CCT3: variants seen among roughly 807,000 people sequenced by gnomAD.
The protein encoded by CCT3 is T-complex protein 1 subunit gamma.
In CCT3, 10 loss-of-function variants were observed where a neutral mutation model predicts 65.3. The ratio of observed to expected loss-of-function variants is 0.15; its 90% confidence interval spans 0.09 to 0.26. The LOEUF is 0.26. CCT3 is among the 10% of genes least tolerant of loss of function. The pLI is 1.00. For synonymous variants in CCT3, 225 were observed against 242.3 expected (o/e 0.93, Z 0.66); for missense variants, 626 against 708.7 (o/e 0.88, Z 1.33).
chr1:156,325,059 A>T lies in CCT3; in HGVS notation c.335T>A (p.Phe112Tyr). 1 of 1,613,312 alleles carries T rather than the reference A, an allele frequency of 6.2e-7. No individual in the cohort carries two copies. Among genetic ancestry groups the T allele is most frequent in the African/African-American group, 1.3e-5 (1 of 75,048 alleles). ...AGEMLSVAEH[F>Y]LEQQMHPTVV... ...TGTTGGGTGCATCTGCTGCTCCAGG[A>T]AGTGCTCAGCTACAGACAGCATTTC... Residue 112 changes from phenylalanine to tyrosine, a missense_variant, in exon 6 of 14, where the codon TTC becomes TAC. Physicochemically the swap from Phe to Tyr is conservative, Grantham distance 22. Transcript: ENST00000295688.
intron 13 of CCT3, among the ~76,000 whole-genome samples, chr1:156,310,330 T>A (rs1572625274): frequency 6.6e-6 from 1 of 151,756 alleles, no homozygotes; most frequent in East Asian, 2.0e-4. Flanking sequence ...CTATCTCTAC[T>A]AAAAAATACA....
chr1:156,316,306 G>A (rs906679222), intron 10 of CCT3, among the ~76,000 whole-genome samples: 3 of 152,098 alleles, frequency 2.0e-5, no homozygotes, highest in African/African-American at 7.2e-5. Context: ...TAAGGGTTAA[G>A]CATCCACAAA....
intron 6 of CCT3, among the ~76,000 whole-genome samples, chr1:156,322,974 G>A (rs1416900251): frequency 6.6e-6 from 1 of 151,758 alleles, no homozygotes; most frequent in Non-Finnish European, 1.5e-5. Context: ...ATTCTTAAGT[G>A]TGCCAGACAA....
chr1:156,310,264 G>C (rs1168292747), intron 13 of CCT3, among the ~76,000 whole-genome samples: 1 of 151,884 alleles, frequency 6.6e-6, no homozygotes, highest in South Asian at 2.1e-4. Flanking sequence ...AGGCCAAGGT[G>C]GGTAGATCAT....
rs1255785424 is a variant in CCT3, at chr1:156,337,921, G to C, written c.31+233C>G. Reference sequence around the variant, plus strand: ...GGAGTGGGAAAGAGCTTCCCAAGACGAGCACACGTCAAGGAAAGAGGCTCG... The same window carrying C: ...GGAGTGGGAAAGAGCTTCCCAAGACCAGCACACGTCAAGGAAAGAGGCTCG... On this transcript the variant is annotated intron_variant, in intron 1 of 13. Transcript: ENST00000295688. 1.2e-5 allele frequency: 7 copies of C among 565,274 alleles called. 1 individual carries two copies. The highest frequency in any genetic ancestry group is 1.6e-5 in the Non-Finnish European group (5 of 317,528). 35.0% of individuals were successfully genotyped at this position (565,274 alleles called of 1,614,324 possible).
At chr1:156,326,435 T>C (rs1664810053) in intron 5 of CCT3, among the ~76,000 whole-genome samples, 1 of 152,102 alleles carries the variant, frequency 6.6e-6, no homozygotes, top group South Asian at 2.1e-4. Flanking sequence ...ATGGATTACC[T>C]GAGGTCAGGA....
In CCT3 at chr1:156,338,259, GA is replaced by G. The variant is rs1665549062; in HGVS notation, c.-76del. On this transcript the variant is annotated 5_prime_UTR_variant, in exon 1 of 14. Transcript: ENST00000295688. Reference sequence around the variant, plus strand: ...CCTTCTGGAGAGAGAGAACCAGACAGAAGCCCAGAAAACGCTGCCTCCTCAG... The same window carrying G: ...CCTTCTGGAGAGAGAGAACCAGACAGAGCCCAGAAAACGCTGCCTCCTCAG... The G allele has an allele frequency of 6.7e-7, 1 of 1,500,556 alleles. No homozygotes were observed. Among genetic ancestry groups the G allele is most frequent in the Admixed American group, 2.0e-5 (1 of 50,846 alleles). The allele number at this position is 1,500,556 out of a possible 1,614,324, so 93.0% of individuals were successfully genotyped here.
intron 10 of CCT3, among the ~76,000 whole-genome samples, chr1:156,315,747 T>C (rs1201936616): frequency 6.6e-6 from 1 of 152,152 alleles, no homozygotes; most frequent in Non-Finnish European, 1.5e-5. Context: ...TTAAGGCAAC[T>C]AGTCATCACT....
At chr1:156,323,266 ATT>A (rs1664644516) in intron 6 of CCT3, among the ~76,000 whole-genome samples, 1 of 45,942 alleles carries the variant, frequency 2.2e-5, no homozygotes, top group Admixed American at 3.8e-4. Context: ...AGATCGCGCC[ATT>A]CATTGCACTC....
At chr1:156,335,968 A>C (rs1665326673) in intron 1 of CCT3, 80 bp from the exon 2 acceptor site, 1 of 1,139,936 alleles carries the variant, frequency 8.8e-7, no homozygotes, top group African/African-American at 1.5e-5. Context: ...GTCTTTGAAA[A>C]ATAAGAATGC....
In CCT3 at chr1:156,309,154, G is replaced by A. The variant is rs758901774; in HGVS notation, c.*45C>T. On this transcript the variant is annotated 3_prime_UTR_variant, in exon 14 of 14. Coordinates refer to ENST00000295688, the MANE Select transcript of CCT3 (RefSeq NM_005998.5). ...CCTGGCACTCTGGCTCAGGAAAAGG[G>A]GAGACTCTGCTGGTTCTGTGCATTG... is the stretch of plus-strand genomic sequence containing the variant. 7.8e-7 allele frequency: 1 copy of A among 1,279,638 alleles called. No individual in the cohort carries two copies. The highest frequency in any genetic ancestry group is 1.1e-6 in the Non-Finnish European group (1 of 875,808). The allele number at this position is 1,279,638 out of a possible 1,614,324, so 79.3% of individuals were successfully genotyped here. A position where few individuals can be genotyped will look rare whatever the true frequency, so the allele number is the denominator to read the frequency against.
intron 10 of CCT3, among the ~76,000 whole-genome samples, chr1:156,315,246 T>A (rs1664261349): frequency 1.3e-5 from 2 of 152,208 alleles, no homozygotes; most frequent in African/African-American, 4.8e-5. Context: ...TTCACTCTTG[T>A]CGCCCAGGTT....
intron 5 of CCT3, among the ~76,000 whole-genome samples, chr1:156,326,661 A>AAAAG (rs1215778077): frequency 3.2e-4 from 38 of 120,218 alleles, no homozygotes; most frequent in Non-Finnish European, 5.4e-4. Flanking sequence ...AAAAAAAAAA[A>AAAAG]AAAAAGAAAA....
chr1:156,329,220 C>T (rs181644588), intron 5 of CCT3, among the ~76,000 whole-genome samples: 88 of 152,200 alleles, frequency 5.8e-4, no homozygotes, highest in African/African-American at 1.4e-3. Context: ...GCCGTACCAC[C>T]CAGGTTTGTA....
Position 156,311,040 on chromosome 1 carries a change from G to A in CCT3, c.1311C>T (p.Tyr437=). ...KAMTGVEQWP[Y]RAVAQALEVI... ...CCTCTAGGGCCTGGGCAACAGCCCT[G>A]TATGGCCATTGTTCCACACCAGTCA... Residue 437 remains tyrosine, a synonymous_variant, in exon 12 of 14, where the codon TAC becomes TAT. Transcript: ENST00000295688. 6.2e-7 allele frequency: 1 copy of A among 1,614,122 alleles called. No individual in the cohort carries two copies. The highest frequency in any genetic ancestry group is 8.5e-7 in the Non-Finnish European group (1 of 1,179,994).
chr1:156,334,918 T>C lies in CCT3; in HGVS notation c.94A>G (p.Thr32Ala). The C allele has an allele frequency of 6.2e-7, 1 of 1,613,898 alleles. No homozygotes were observed. Among genetic ancestry groups the C allele is most frequent in the Non-Finnish European group, 8.5e-7 (1 of 1,179,830 alleles). ...VQSGNINAAK[T>A]IADIIRTCLG... The stretch of plus-strand genomic sequence containing the variant: ...CATGTTCGGATGATATCTGCAATAG[T>C]CTAATGGAAAGGGAACATAAAATAC... Residue 32 changes from threonine (T) to alanine (A), a missense_variant and splice_region_variant, in exon 3 of 14, where the codon ACT becomes GCT. By Grantham distance (58) the Thr-to-Ala change is moderately conservative. Coordinates refer to ENST00000295688, the MANE Select transcript of CCT3 (RefSeq NM_005998.5).
chr1:156,325,338 C>A (rs1437577951), intron 5 of CCT3, among the ~76,000 whole-genome samples: 1 of 152,024 alleles, frequency 6.6e-6, no homozygotes, highest in Non-Finnish European at 1.5e-5. Flanking sequence ...TCAGCCTGGG[C>A]AACACAGTGA....
chr1:156,309,126 G>A lies in CCT3; in HGVS notation c.*73C>T. On this transcript the variant is annotated 3_prime_UTR_variant, in exon 14 of 14. Transcript: ENST00000295688. The stretch of plus-strand genomic sequence containing the variant: ...CCTTCTGAACAAAGACGTCCACAGT[G>A]TTCCTGGCACTCTGGCTCAGGAAAA... 2 of 1,009,826 alleles carry A rather than the reference G, an allele frequency of 2.0e-6. No homozygotes were observed. The highest frequency in any genetic ancestry group is 3.2e-6 in the Non-Finnish European group (2 of 633,566). The allele number at this position is 1,009,826 out of a possible 1,614,324, so 62.6% of individuals were successfully genotyped here.
At chr1:156,311,895 A>G (rs1558263710) in intron 11 of CCT3, 146 bp downstream of exon 11, 1 of 488,714 alleles carries the variant, frequency 2.0e-6, no homozygotes, top group Admixed American at 4.1e-5. Context: ...ATTTAATTAA[A>G]AAAAGGAAGC....
Sources: allele counts gnomAD v4.1 joint callset (sites outside exome capture counted in the v4.1 genomes callset), GRCh38; gene constraint gnomAD v4.1.1; transcripts MANE v1.5; gene names NCBI Gene and HGNC (gene_info 2026-07-23, HGNC 2026-07-21).